GP9: variants seen among roughly 807,000 people sequenced by gnomAD.
The protein encoded by GP9 is glycoprotein IX platelet, also known as platelet glycoprotein IX.
For synonymous variants in GP9, 116 were observed against 116.7 expected, an observed-to-expected ratio of 0.99 and a Z score of 0.04; for missense variants, 228 against 241.8, an observed-to-expected ratio of 0.94 and a Z score of 0.38.
chr3:129,057,455 G>A (rs976028381), upstream of GP9, among the ~76,000 whole-genome samples: 3 of 152,192 alleles, frequency 2.0e-5, no homozygotes, highest in African/African-American at 7.2e-5. Context: ...TGAGCAACAG[G>A]AAGAAAATTG....
chr3:129,059,165 C>T (rs1490426637), upstream of GP9, among the ~76,000 whole-genome samples: 1 of 152,186 alleles, frequency 6.6e-6, no homozygotes, highest in Non-Finnish European at 1.5e-5. Flanking sequence ...ATTCTAATTT[C>T]CCACAACAAA....
chr3:129,059,763 G>C (rs966988002), upstream of GP9, among the ~76,000 whole-genome samples: 1 of 152,168 alleles, frequency 6.6e-6, no homozygotes, highest in East Asian at 1.9e-4. Flanking sequence ...ACCCTGCTTG[G>C]CCATGCAGGA....
chr3:129,057,213 A>G (rs985770986), upstream of GP9, among the ~76,000 whole-genome samples: 3 of 152,234 alleles, frequency 2.0e-5, no homozygotes, highest in South Asian at 2.1e-4. Flanking sequence ...AAAAATGTAA[A>G]AATAAGATCA....
upstream of GP9, among the ~76,000 whole-genome samples, chr3:129,058,191 T>G (rs1283718622): frequency 2.0e-5 from 3 of 152,180 alleles, no homozygotes; most frequent in South Asian, 2.1e-4. Context: ...AAATTGATCA[T>G]GCAGAGGAAG....
chr3:129,061,539 C>T lies in GP9; in HGVS notation c.-93C>T. On this transcript the variant is annotated 5_prime_UTR_variant, in exon 2 of 3. Coordinates refer to ENST00000307395, the MANE Select transcript of GP9 (RefSeq NM_000174.5). ...TCTACGGTGTCCAGAGACAGTTAGCCAGGCCTGGGCTGGGCACACTCCACC... is the reference window on the plus strand; with the variant it reads ...TCTACGGTGTCCAGAGACAGTTAGCTAGGCCTGGGCTGGGCACACTCCACC... 4 of 624,570 alleles carry T rather than the reference C, an allele frequency of 6.4e-6. 1 individual carries two copies. In the South Asian group the frequency reaches 7.4e-5, roughly 11 times the overall value. The allele number at this position is 624,570 out of a possible 1,614,324, so 38.7% of individuals were successfully genotyped here. A position where few individuals can be genotyped will look rare whatever the true frequency, so the allele number is the denominator to read the frequency against.
rs1311488837 is a variant in GP9, at chr3:129,061,958, C to T, written c.219C>T (p.His73=). 6.2e-7 allele frequency: 1 copy of T among 1,613,782 alleles called. No homozygotes were observed. The highest frequency in any genetic ancestry group is 1.3e-5 in the African/African-American group (1 of 74,938). Reference sequence around the variant, plus strand: ...CCGTGCCCCCGGGAGCCTTTGACCACCTGCCCCAGCTGCAGACCCTCGATG... The same window carrying T: ...CCGTGCCCCCGGGAGCCTTTGACCATCTGCCCCAGCTGCAGACCCTCGATG... ...LQSVPPGAFD[H]LPQLQTLDVT... is the part of the protein sequence containing the mutation. Residue 73 remains histidine, a synonymous_variant, in exon 3 of 3, where the codon CAC becomes CAT. Transcript: ENST00000307395.
upstream of GP9, among the ~76,000 whole-genome samples, chr3:129,059,367 GA>G (rs376696760): frequency 7.9e-5 from 12 of 152,246 alleles, no homozygotes; most frequent in African/African-American, 2.6e-4. Flanking sequence ...ACTCACTCCA[GA>G]ACCCCTTACC....
rs550480973 is a variant in GP9, at chr3:129,061,889, G to T, written c.150G>T (p.Pro50=). 15 of 1,613,278 alleles carry T rather than the reference G, an allele frequency of 9.3e-6. No individual in the cohort carries two copies. Among genetic ancestry groups the T allele is most frequent in the African/African-American group, 6.7e-5 (5 of 74,928 alleles). ...GHGLTALPAL[P]ARTRHLLLAN... is the part of the protein sequence containing the mutation. ...GACTCACGGCCCTGCCTGCCCTGCC[G>T]GCCCGCACCCGCCACCTTCTGCTGG... The change falls in exon 3 of 3, where the codon CCG becomes CCT. Residue 50 remains proline (P), a synonymous_variant. Coordinates refer to ENST00000307395, the MANE Select transcript of GP9 (RefSeq NM_000174.5).
chr3:129,059,984 C>T (rs1158656914), upstream of GP9, among the ~76,000 whole-genome samples: 3 of 152,156 alleles, frequency 2.0e-5, no homozygotes, highest in Non-Finnish European at 2.9e-5. Flanking sequence ...GACGGAGTCT[C>T]GCTCTGTCAC....
rs766253334 is a variant in GP9, at chr3:129,061,998, T to G, written c.259T>G (p.Trp87Gly). The G allele has an allele frequency of 6.2e-7, 1 of 1,613,756 alleles. No homozygotes were observed. ...GACCCTCGATGTGACGCAGAACCCC[T>G]GGCACTGTGACTGCAGCCTCACCTA... ...LQTLDVTQNPWHCDCSLTYLR... is the reference protein window; with the variant it reads ...LQTLDVTQNPGHCDCSLTYLR... The change falls in exon 3 of 3, where the codon TGG (tryptophan) becomes GGG (glycine). Residue 87 changes from tryptophan (W) to glycine (G), a missense_variant. Physicochemically the swap from Trp to Gly is radical, Grantham distance 184 (BLOSUM62 -2). Transcript: ENST00000307395.
At chr3:129,058,737 C>T (rs1204725672), upstream of GP9, among the ~76,000 whole-genome samples, 1 of 152,274 alleles carries the variant, frequency 6.6e-6, no homozygotes, top group Non-Finnish European at 1.5e-5. Context: ...AAAGCCCACA[C>T]ACTACTGCTC....
Position 129,062,263 on chromosome 3 carries a change from C to T in GP9, c.524C>T (p.Ala175Val), listed in dbSNP as rs760283361. 34 of 1,550,390 alleles carry T rather than the reference C, an allele frequency of 2.2e-5. No individual in the cohort carries two copies. The Admixed American group carries it at 6.6e-4, about 30-fold the overall frequency. Residue 175 changes from alanine (A) to valine (V), a missense_variant, in exon 3 of 3, where the codon GCC becomes GTC. Coordinates refer to ENST00000307395, the MANE Select transcript of GP9 (RefSeq NM_000174.5). ...GGCCTGCTGTGTGCCACCACAGAGG[C>T]CCTGGATTGAGCCAGGCCCCCAGAA... ...LAGLLCATTE[A>V]LD
rs1007418720 is a variant in GP9 at position 129,061,600 on chromosome 3, G to T, written c.-32G>T. On this transcript the variant is annotated 5_prime_UTR_variant, in exon 2 of 3. Coordinates refer to ENST00000307395, the MANE Select transcript of GP9 (RefSeq NM_000174.5). ...ACCAGCTGGTTTCCCAGAGGAGAAG[G>T]CTGAGACCCGAGAAGGGAGGTGAGT... 1.5e-4 allele frequency: 111 copies of T among 733,462 alleles called. No homozygotes were observed. Among genetic ancestry groups the T allele is most frequent in the African/African-American group, 1.4e-3 (83 of 58,082 alleles). 45.4% of individuals were successfully genotyped at this position (733,462 alleles called of 1,614,324 possible).
At chr3:129,057,033 G>C (rs559747415), upstream of GP9, among the ~76,000 whole-genome samples, 1 of 152,288 alleles carries the variant, frequency 6.6e-6, no homozygotes, top group African/African-American at 2.4e-5. Flanking sequence ...GTCCTGGCAA[G>C]ACACAGATAA....
upstream of GP9, among the ~76,000 whole-genome samples, chr3:129,058,592 G>A (rs1412214663): frequency 2.0e-5 from 3 of 152,186 alleles, no homozygotes; most frequent in African/African-American, 7.2e-5. Flanking sequence ...GTTTACAAAT[G>A]CCATGGCAGC....
upstream of GP9, among the ~76,000 whole-genome samples, chr3:129,056,733 C>T (rs553744713): frequency 8.2e-4 from 125 of 152,232 alleles, 1 homozygote; most frequent in South Asian, 9.5e-3. Flanking sequence ...AGAAGTTATG[C>T]CCCCGGTGAA....
chr3:129,055,529 G>A, the GP9 span, among the ~76,000 whole-genome samples: 6 of 152,200 alleles, frequency 3.9e-5, no homozygotes, highest in Non-Finnish European at 5.9e-5. Flanking sequence ...CTGGGGAGGG[G>A]TATCTTTGTG....
At chr3:129,055,728 T>C in the GP9 span, among the ~76,000 whole-genome samples, 1 of 151,790 alleles carries the variant, frequency 6.6e-6, no homozygotes, top group African/African-American at 2.4e-5. Flanking sequence ...CACTGCAACC[T>C]GCGCCTCCCA....
upstream of GP9, among the ~76,000 whole-genome samples, chr3:129,056,622 A>G (rs1185506143): frequency 6.6e-6 from 1 of 152,114 alleles, no homozygotes; most frequent in East Asian, 1.9e-4. Flanking sequence ...ATCTGCGAAC[A>G]CTTCCCTAGT....
Sources: gnomAD v4.1 joint callset for allele counts (sites outside exome capture counted in the v4.1 genomes callset) on GRCh38, gnomAD v4.1.1 for gene constraint, MANE v1.5 for transcripts, NCBI Gene and HGNC (gene_info 2026-07-23, HGNC 2026-07-21) for gene names.